Variants in PLK4 observed in about 807,000 individuals in gnomAD.
The protein encoded by PLK4 is polo like kinase 4, also known as serine/threonine-protein kinase PLK4.
Under a neutral mutation model 103.0 loss-of-function variants are expected in PLK4, and 51 were observed. The observed-to-expected ratio is 0.50, with a 90% confidence interval of 0.40 to 0.63. The LOEUF is 0.63. Ranked by LOEUF, PLK4 falls within the 20% of genes least tolerant of loss-of-function variation. The pLI is 0.00. For synonymous variants in PLK4, 389 were observed against 376.8 expected, an observed-to-expected ratio of 1.03 and a Z score of -0.38; for missense variants, 1,054 against 1,151.0, an observed-to-expected ratio of 0.92 and a Z score of 1.22.
intron 1 of PLK4, 126 bp downstream of exon 1, chr4:127,881,290 G>A (rs1489267792): frequency 6.4e-7 from 1 of 1,553,226 alleles, no homozygotes. Context: ...GCTTAGGGAG[G>A]GTCCCAACGG....
intron 6 of PLK4, among the ~76,000 whole-genome samples, chr4:127,888,894 C>A (rs1735245874): frequency 6.6e-6 from 1 of 151,904 alleles, no homozygotes; most frequent in Non-Finnish European, 1.5e-5. Flanking sequence ...ATATTATTCT[C>A]AGAAGCCCAA....
chr4:127,889,497 A>G (rs772581180), intron 6 of PLK4, among the ~76,000 whole-genome samples: 2 of 152,206 alleles, frequency 1.3e-5, no homozygotes, highest in Non-Finnish European at 2.9e-5. Flanking sequence ...TTTCTCATGT[A>G]GAATGATTAC....
In PLK4 at chr4:127,881,012, G is replaced by A. The variant is rs2148814446; in HGVS notation, c.-123G>A. ...TTCCGTGGTTTCAGCGTCGTCGCCTGGAGCGGCGGTTTAGAGAGCCGAGCC... is the reference window on the plus strand; with the variant it reads ...TTCCGTGGTTTCAGCGTCGTCGCCTAGAGCGGCGGTTTAGAGAGCCGAGCC... On this transcript the variant is annotated 5_prime_UTR_variant, in exon 1 of 16. Coordinates refer to ENST00000270861, the MANE Select transcript of PLK4 (RefSeq NM_014264.5). 1 of 1,105,254 alleles carries A rather than the reference G, an allele frequency of 9.0e-7. No homozygotes were observed. Among genetic ancestry groups the A allele is most frequent in the East Asian group, 2.4e-5 (1 of 40,828 alleles). The allele number at this position is 1,105,254 out of a possible 1,614,324, so 68.5% of individuals were successfully genotyped here.
rs70966059 is a variant in PLK4 at position 127,895,452 on chromosome 4, C to CTTT, written c.2703+385_2703+387dup. On this transcript the variant is annotated intron_variant, in intron 14 of 15. Transcript: ENST00000270861. ...TAATCAATATTAGTAGAGTAACTTT[C>CTTT]TTTTTTTTTTTTTTTTTTTTTTTTT... Among the ~76,000 whole-genome samples, 232 of 65,204 alleles carry CTTT rather than the reference C, an allele frequency of 3.6e-3. 34 individuals are homozygous for CTTT. The highest frequency in any genetic ancestry group is 0.01 in the African/African-American group (151 of 15,082). 42.8% of individuals were successfully genotyped at this position (65,204 alleles called of 152,430 possible). A position where few individuals can be genotyped will look rare whatever the true frequency, so the allele number is the denominator to read the frequency against.
At chr4:127,883,711 C>G (rs1735017347) in intron 4 of PLK4, among the ~76,000 whole-genome samples, 158 bp downstream of exon 4, 1 of 152,128 alleles carries the variant, frequency 6.6e-6, no homozygotes, top group Admixed American at 6.5e-5. Context: ...TCCCAAGCTG[C>G]TAATTCTTAA....
rs756758987 is a variant in PLK4 at position 127,891,079 on chromosome 4, T to G, written c.1831-13T>G. On this transcript the variant is annotated splice_polypyrimidine_tract_variant and intron_variant, in intron 7 of 15. Transcript: ENST00000270861. ...AAGAATTATTACTGATTTTGGGTTT[T>G]TTTTTTTTTTAGGTGAGCATACTTG... 1.1e-5 allele frequency: 16 copies of G among 1,483,712 alleles called. No individual in the cohort carries two copies. In the South Asian group the frequency reaches 1.9e-4, roughly 17 times the overall value. 91.9% of individuals were successfully genotyped at this position (1,483,712 alleles called of 1,614,324 possible).
At chr4:127,886,831 TAAA>T in intron 5 of PLK4, 103 bp downstream of exon 5, 2 of 500,384 alleles carry the variant, frequency 4.0e-6, no homozygotes, top group Non-Finnish European at 6.6e-6. Flanking sequence ...AATGAATGTC[TAAA>T]AAAAAAAACC....
At chr4:127,893,449 A>C in intron 11 of PLK4, 31 bp downstream of exon 11, 1 of 1,601,796 alleles carries the variant, frequency 6.2e-7, no homozygotes, top group Non-Finnish European at 8.5e-7. Flanking sequence ...TTTTCATACC[A>C]ATTAATAATG....
chr4:127,896,750 GT>G (rs35646358), intron 14 of PLK4, 50 bp from the exon 15 acceptor site: 58,204 of 798,968 alleles, frequency 0.073, 522 homozygotes, highest in East Asian at 0.29. Flanking sequence ...TACTACTGCT[GT>G]TTTTTTTTTT....
chr4:127,888,570 A>G (rs1273031993), intron 6 of PLK4, among the ~76,000 whole-genome samples: 4 of 152,234 alleles, frequency 2.6e-5, no homozygotes, highest in African/African-American at 7.2e-5. Context: ...AGGACAGTAT[A>G]GGGTACCAAT....
chr4:127,896,564 C>T (rs1203737727), intron 14 of PLK4, among the ~76,000 whole-genome samples: 1 of 152,004 alleles, frequency 6.6e-6, no homozygotes, highest in African/African-American at 2.4e-5. Context: ...ATTGTAATAC[C>T]TTAGCTATTA....
Position 127,891,095 on chromosome 4 carries a change from A to C in PLK4, c.1834A>C (p.Ser612Arg). The change falls in exon 8 of 16, where the codon AGC (serine) becomes CGC (arginine). Residue 612 changes from serine (S) to arginine (R), a missense_variant. Ser to Arg is a moderately radical substitution (Grantham distance 110). Transcript: ENST00000270861. ...TTTGGGTTTTTTTTTTTTTTAGGTG[A>C]GCATACTTGATTCAGAGGAGGTGTG... ...IRQKTKKAVV[S>R]ILDSEEVCVE... 6.6e-7 allele frequency: 1 copy of C among 1,509,150 alleles called. No homozygotes were observed. Among genetic ancestry groups the C allele is most frequent in the Non-Finnish European group, 9.0e-7 (1 of 1,108,054 alleles). The allele number at this position is 1,509,150 out of a possible 1,614,324, so 93.5% of individuals were successfully genotyped here.
chr4:127,889,787 ACAAT>A, intron 6 of PLK4, 75 bp from the exon 7 acceptor site: 3 of 1,022,528 alleles, frequency 2.9e-6, no homozygotes, highest in Non-Finnish European at 2.8e-6. Context: ...AAATGCTATT[ACAAT>A]CAGAGTGACG....
chr4:127,886,880 A>G (rs563310255), intron 5 of PLK4, 152 bp downstream of exon 5: 4 of 562,522 alleles, frequency 7.1e-6, no homozygotes, highest in Non-Finnish European at 1.2e-5. Flanking sequence ...AACAGTCTTA[A>G]CAGGAGTGTG....
Position 127,886,256 on chromosome 4 carries a change from GCTT to G in PLK4, c.891_893del (p.Ser299del). 1 of 1,613,916 alleles carries G rather than the reference GCTT, an allele frequency of 6.2e-7. No individual in the cohort carries two copies. Among genetic ancestry groups the G allele is most frequent in the South Asian group, 1.1e-5 (1 of 91,062 alleles). On this transcript the variant is annotated inframe_deletion, in exon 5 of 16. Transcript: ENST00000270861. Reference sequence around the variant, plus strand: ...TGCCACAATTTCTACTGCAATTACAGCTTCTTCCAGTACCAGTATAAGTGGTAG... The same window carrying G: ...TGCCACAATTTCTACTGCAATTACAGCTTCCAGTACCAGTATAAGTGGTAG...
intron 5 of PLK4, 100 bp downstream of exon 5, chr4:127,886,828 G>T: frequency 3.1e-6 from 2 of 651,730 alleles, no homozygotes; most frequent in Non-Finnish European, 4.9e-6. Flanking sequence ...GGAAATGAAT[G>T]TCTAAAAAAA....
At chr4:127,898,128 G>A (rs554520687) in intron 15 of PLK4, among the ~76,000 whole-genome samples, 2 of 152,070 alleles carry the variant, frequency 1.3e-5, no homozygotes, top group Middle Eastern at 3.4e-3. Flanking sequence ...TAACCACCGC[G>A]CCTGTCCGGG....
chr4:127,880,930 T>C lies in PLK4; in HGVS notation c.-205T>C, dbSNP rs911848994. On this transcript the variant is annotated 5_prime_UTR_variant, in exon 1 of 16. Transcript: ENST00000270861. ...GCTCGGACGGCAAGCGGCGGGAGATTTTCAAAATGGGAGCCCAGAGGCACC... is the reference window on the plus strand; with the variant it reads ...GCTCGGACGGCAAGCGGCGGGAGATCTTCAAAATGGGAGCCCAGAGGCACC... 1 of 596,124 alleles carries C rather than the reference T, an allele frequency of 1.7e-6. No individual in the cohort carries two copies. Among genetic ancestry groups the C allele is most frequent in the Non-Finnish European group, 3.0e-6 (1 of 337,306 alleles). 36.9% of individuals were successfully genotyped at this position (596,124 alleles called of 1,614,324 possible). A position where few individuals can be genotyped will look rare whatever the true frequency, so the allele number is the denominator to read the frequency against.
chr4:127,882,296 A>T (rs1734961071), intron 2 of PLK4, among the ~76,000 whole-genome samples: 1 of 152,224 alleles, frequency 6.6e-6, no homozygotes, highest in African/African-American at 2.4e-5. Flanking sequence ...AAGTCAGCCT[A>T]ATAGGAGTAA....
Sources: allele counts gnomAD v4.1 joint callset (sites outside exome capture counted in the v4.1 genomes callset), GRCh38; gene constraint gnomAD v4.1.1; transcripts MANE v1.5; gene names NCBI Gene and HGNC (gene_info 2026-07-23, HGNC 2026-07-21).